XIRP2: variants seen among roughly 807,000 people sequenced by gnomAD.
The protein encoded by XIRP2 is xin actin binding repeat containing 2, also known as xin actin-binding repeat-containing protein 2.
In XIRP2, 236 loss-of-function variants were observed where a neutral mutation model predicts 277.0. The observed-to-expected ratio is 0.85, with a 90% CI of 0.77 to 0.95. The LOEUF (loss-of-function observed/expected upper bound fraction) is 0.95, where lower values mean the gene tolerates loss of function less well. XIRP2 is among the 40% of genes least tolerant of loss of function. The pLI is 0.00. For missense variants in XIRP2, 4,640 were observed against 4,157.5 expected (o/e 1.12, Z -3.19); for synonymous variants, 1,490 against 1,416.5 (o/e 1.05, Z -1.17).
At chr2:167,015,452 A>ATCTG (rs1443267866) in intron 2 of XIRP2, among the ~76,000 whole-genome samples, 1 of 151,054 alleles carries the variant, frequency 6.6e-6, no homozygotes, top group Non-Finnish European at 1.5e-5. Context: ...CTATCTATCT[A>ATCTG]TCTATCTATC....
rs922378772 is a variant in XIRP2, at chr2:167,023,739, C to T, written c.409-112170C>T. 6.6e-5 allele frequency among the ~76,000 whole-genome samples: 10 copies of T among 152,198 alleles called. No homozygotes were observed. In the South Asian group the frequency reaches 8.3e-4, roughly 13 times the overall value. On this transcript the variant is annotated intron_variant, in intron 2 of 10. Transcript: ENST00000409195. ...TCCTTTCCCCATTGCTTGATTTTCT[C>T]GGGTTTGTCAAAGATCAGATGGTTG...
chr2:166,986,751 CT>C (rs1402132450), intron 2 of XIRP2, among the ~76,000 whole-genome samples: 1 of 152,168 alleles, frequency 6.6e-6, no homozygotes, highest in African/African-American at 2.4e-5. Flanking sequence ...ATTAATTTAA[CT>C]TTTTCGTGCT....
chr2:166,987,751 TA>T (rs1687044947), intron 2 of XIRP2, among the ~76,000 whole-genome samples: 1 of 152,154 alleles, frequency 6.6e-6, no homozygotes, highest in Non-Finnish European at 1.5e-5. Context: ...CATGGATATA[TA>T]AAGGACTCAG....
chr2:167,015,843 C>T (rs533144988), intron 2 of XIRP2, among the ~76,000 whole-genome samples: 17 of 151,644 alleles, frequency 1.1e-4, no homozygotes, highest in Non-Finnish European at 1.9e-4. Context: ...TCTGTATGTC[C>T]TCCCTAGGTA....
intron 3 of XIRP2, among the ~76,000 whole-genome samples, chr2:167,182,384 A>G (rs956371861): frequency 2.6e-5 from 4 of 152,230 alleles, no homozygotes; most frequent in Admixed American, 6.5e-5. Context: ...TTGTCCCAGC[A>G]TTAAAGTTCC....
rs182051216 is a variant in XIRP2, at chr2:167,130,617, G to T, written c.409-5292G>T. 9.3e-4 allele frequency among the ~76,000 whole-genome samples: 141 copies of T among 152,100 alleles called. 1 individual carries two copies. Among genetic ancestry groups the T allele is most frequent in the African/African-American group, 2.8e-3 (117 of 41,512 alleles). On this transcript the variant is annotated intron_variant, in intron 2 of 10. Coordinates refer to ENST00000409195, the MANE Select transcript of XIRP2 (RefSeq NM_152381.6). ...TTCTTTAGTTTCACCAAGATCTCCA[G>T]TCTGCTGACCCTTTATCTGTCTTCC...
chr2:166,933,641 T>TTG (rs781633729), intron 2 of XIRP2, among the ~76,000 whole-genome samples: 11 of 150,666 alleles, frequency 7.3e-5, no homozygotes, highest in African/African-American at 1.2e-4. Flanking sequence ...AGGTGCATGT[T>TTG]TGTGTGTGTG....
At chr2:167,001,233 C>T (rs1453845728) in intron 2 of XIRP2, among the ~76,000 whole-genome samples, 1 of 152,044 alleles carries the variant, frequency 6.6e-6, no homozygotes, top group East Asian at 1.9e-4. Context: ...AAAGTATCAT[C>T]AATAGCTGTG....
chr2:167,035,868 G>T (rs574711607), intron 2 of XIRP2, among the ~76,000 whole-genome samples: 2 of 152,334 alleles, frequency 1.3e-5, no homozygotes, highest in African/African-American at 4.8e-5. Flanking sequence ...GCTTTGTGCA[G>T]CCTAGGGACT....
At chr2:166,976,273 T>C (rs1378320151) in intron 2 of XIRP2, among the ~76,000 whole-genome samples, 2 of 152,190 alleles carry the variant, frequency 1.3e-5, no homozygotes, top group African/African-American at 4.8e-5. Flanking sequence ...TTGTTATGTG[T>C]GAAGGCAAGT....
chr2:167,236,827 A>G (rs1694914076), intron 5 of XIRP2, among the ~76,000 whole-genome samples: 2 of 152,120 alleles, frequency 1.3e-5, no homozygotes, highest in African/African-American at 4.8e-5. Flanking sequence ...AGTTGTTTAT[A>G]ACATTTTATT....
At chr2:167,022,913 AT>A (rs1378582140) in intron 2 of XIRP2, among the ~76,000 whole-genome samples, 3 of 152,130 alleles carry the variant, frequency 2.0e-5, no homozygotes, top group Non-Finnish European at 4.4e-5. Flanking sequence ...CGCAATAAAC[AT>A]ATGTGTGCAT....
intron 2 of XIRP2, among the ~76,000 whole-genome samples, chr2:167,002,025 G>T (rs539561623): frequency 6.6e-6 from 1 of 152,018 alleles, no homozygotes; most frequent in East Asian, 1.9e-4. Flanking sequence ...TTACCATGCT[G>T]TTCACTAAAG....
chr2:167,228,638 G>A (rs1042283412), intron 5 of XIRP2, among the ~76,000 whole-genome samples: 4 of 152,094 alleles, frequency 2.6e-5, no homozygotes, highest in Admixed American at 6.6e-5. Flanking sequence ...TGCCCTGGCC[G>A]TTTTTCTCAG....
At chr2:166,903,979 C>T (rs770227383) in intron 2 of XIRP2, 89 bp downstream of exon 2, 38 of 1,433,032 alleles carry the variant, frequency 2.7e-5, no homozygotes, top group East Asian at 1.6e-4. Flanking sequence ...TCTTTCCCCC[C>T]GCCAGTATTC....
intron 3 of XIRP2, chr2:167,187,484 TA>T: frequency 1.0e-6 from 1 of 985,308 alleles, no homozygotes; most frequent in Non-Finnish European, 1.2e-6. Flanking sequence ...ACTATAAAGA[TA>T]TATGATATTT....
intron 1 of XIRP2, among the ~76,000 whole-genome samples, chr2:166,902,237 A>G (rs549494915): frequency 6.6e-6 from 1 of 152,230 alleles, no homozygotes; most frequent in African/African-American, 2.4e-5. Flanking sequence ...AGGAGTTCGG[A>G]GTAGAAAATA....
intron 3 of XIRP2, among the ~76,000 whole-genome samples, chr2:167,201,070 G>C (rs1372798696): frequency 6.6e-6 from 1 of 151,460 alleles, no homozygotes; most frequent in African/African-American, 2.4e-5. Context: ...AGGTTGCAGT[G>C]AGCCGAGATC....
At chr2:167,053,039 T>A (rs929300642) in intron 2 of XIRP2, among the ~76,000 whole-genome samples, 10 of 152,206 alleles carry the variant, frequency 6.6e-5, no homozygotes, top group African/African-American at 2.4e-4. Context: ...AATGCATGAC[T>A]CAGACACAGA....
Sources: gnomAD v4.1 joint callset for allele counts (sites outside exome capture counted in the v4.1 genomes callset) on GRCh38, gnomAD v4.1.1 for gene constraint, MANE v1.5 for transcripts, NCBI Gene and HGNC (gene_info 2026-07-23, HGNC 2026-07-21) for gene names.